MIDEAS: variants seen among roughly 807,000 people sequenced by gnomAD.
MIDEAS encodes the protein mitotic deacetylase associated SANT domain protein, also known as mitotic deacetylase-associated SANT domain protein.
In MIDEAS, 26 loss-of-function variants were observed where a neutral mutation model predicts 102.7. The observed-to-expected ratio is 0.25, with a 90% CI of 0.19 to 0.35. MIDEAS has a LOEUF of 0.35. Ranked by LOEUF, MIDEAS falls within the 10% of genes least tolerant of loss-of-function variation. The probability of loss-of-function intolerance (pLI) is 1.00; values close to 1 mark genes in which losing one functional copy is unlikely to be tolerated. For missense variants in MIDEAS, 1,231 were observed against 1,435.6 expected, an observed-to-expected ratio of 0.86 and a Z score of 2.30; for synonymous variants, 585 against 591.0, an observed-to-expected ratio of 0.99 and a Z score of 0.15.
upstream of MIDEAS, chr14:73,787,277 C>T (rs2053824216): frequency 6.8e-6 from 1 of 147,856 alleles, no homozygotes; most frequent in African/African-American, 2.4e-5. Context: ...CGGTGGCGCG[C>T]AGGGCCCTGC....
In MIDEAS at chr14:73,721,460, C is replaced by T. The variant is rs541501034; in HGVS notation, c.2774G>A (p.Ser925Asn). Residue 925 changes from serine (S) to asparagine (N), a missense_variant, in exon 11 of 13, where the codon AGT (serine) becomes AAT (asparagine). Transcript: ENST00000423556. ...CCTCTTGGGCTCCAGCCTCTCTTCA[C>T]TTGGGGACTCTCTTCTGGGAAGAGG... ...RVPLPRRESPSEERLEPKREV... is the reference protein window; with the variant it reads ...RVPLPRRESPNEERLEPKREV... 6.2e-7 allele frequency: 1 copy of T among 1,614,174 alleles called. No homozygotes were observed. The highest frequency in any genetic ancestry group is 1.3e-5 in the African/African-American group (1 of 75,028).
Position 73,726,720 on chromosome 14 carries a change from G to A in MIDEAS, c.2306-13C>T, listed in dbSNP as rs770225341. ...AGCAGGTCTTCCACTGGATCCACAG[G>A]AGCATGAGGAGGGAGGGGAGGAAAC... On this transcript the variant is annotated splice_polypyrimidine_tract_variant and intron_variant, in intron 6 of 12. Transcript: ENST00000423556. 5.0e-6 allele frequency: 8 copies of A among 1,614,162 alleles called. No individual in the cohort carries two copies. The highest frequency in any genetic ancestry group is 1.7e-5 in the Admixed American group (1 of 60,028).
At chr14:73,724,915 C>G (rs747856066) in intron 9 of MIDEAS, 8 of 230,008 alleles carry the variant, frequency 3.5e-5, no homozygotes, top group Non-Finnish European at 6.2e-5. Context: ...GTGGCCTTCA[C>G]CCCAGGGTGC....
chr14:73,751,490 G>T (rs2053419113), intron 1 of MIDEAS, among the ~76,000 whole-genome samples: 1 of 152,198 alleles, frequency 6.6e-6, no homozygotes, highest in African/African-American at 2.4e-5. Flanking sequence ...AGAGGCTACA[G>T]GTGATTACCT....
At chr14:73,730,051 C>T (rs1264045401) in intron 3 of MIDEAS, 66 bp from the exon 4 acceptor site, 5 of 1,496,882 alleles carry the variant, frequency 3.3e-6, no homozygotes, top group Non-Finnish European at 4.6e-6. Context: ...AAGTCTTAAC[C>T]ACAGCTTGCC....
At position 73,716,937 on chromosome 14, in the gene MIDEAS, TA is replaced by T; in HGVS notation, c.*1905del. ...TTGCTACCCCCCTGCTTCTACAGGG[TA>T]TACCAGATTTTTGCTGTCTTGGGAC... On this transcript the variant is annotated 3_prime_UTR_variant, in exon 13 of 13. Coordinates refer to ENST00000423556, the MANE Select transcript of MIDEAS (RefSeq NM_001367710.1). The T allele has an allele frequency of 6.6e-6, 1 of 152,582 alleles. No homozygotes were observed. The highest frequency in any genetic ancestry group is 1.9e-4 in the East Asian group (1 of 5,198). The allele number at this position is 152,582 out of a possible 1,614,324, so 9.5% of individuals were successfully genotyped here.
chr14:73,729,886 T>A lies in MIDEAS; in HGVS notation c.1849A>T (p.Thr617Ser), dbSNP rs1003721672. ...GAGTAGACGGGAGGGGCGATGAAAG[T>A]GCCCGCCTTGGTGGGGATGATGAGG... The part of the protein sequence containing the change: ...EPLIIPTKAG[T>S]FIAPPVYSNI... Residue 617 changes from threonine to serine, a missense_variant, in exon 4 of 13, where the codon ACT becomes TCT. Physicochemically the swap from Thr to Ser is moderately conservative, Grantham distance 58. Transcript: ENST00000423556. 3 of 1,613,316 alleles carry A rather than the reference T, an allele frequency of 1.9e-6. No homozygotes were observed. In the African/African-American group the frequency reaches 4.0e-5, roughly 22 times the overall value.
In MIDEAS at chr14:73,739,879, C is replaced by G; in HGVS notation, c.130G>C (p.Glu44Gln). 1 of 1,581,908 alleles carries G rather than the reference C, an allele frequency of 6.3e-7. No homozygotes were observed. The highest frequency in any genetic ancestry group is 8.6e-7 in the Non-Finnish European group (1 of 1,161,554). The stretch of plus-strand genomic sequence containing the variant: ...GGACCCTCGTGCCCGAGGTACTGCT[C>G]CTCCTTCACTCTGATGGACTGCTGG... The part of the protein sequence containing the change: ...PPQQSIRVKE[E>Q]QYLGHEGPGG... Residue 44 changes from glutamate (E) to glutamine (Q), a missense_variant, in exon 2 of 13, where the codon GAG becomes CAG. Transcript: ENST00000423556.
At chr14:73,787,704 C>T (rs1357234844), upstream of MIDEAS, among the ~76,000 whole-genome samples, 1 of 152,182 alleles carries the variant, frequency 6.6e-6, no homozygotes, top group Non-Finnish European at 1.5e-5. Context: ...AAACAAGGGT[C>T]CCTGTCCCCA....
chr14:73,739,775 A>G lies in MIDEAS; in HGVS notation c.234T>C (p.Tyr78=), dbSNP rs147844345. 6.2e-7 allele frequency: 1 copy of G among 1,613,764 alleles called. No homozygotes were observed. Among genetic ancestry groups the G allele is most frequent in the Non-Finnish European group, 8.5e-7 (1 of 1,179,918 alleles). ...TGGCTGCTGAGGTCCGCTCAGGCCCATATACCACAGAGTTCAGCAGGGCCA... is the reference window on the plus strand; with the variant it reads ...TGGCTGCTGAGGTCCGCTCAGGCCCGTATACCACAGAGTTCAGCAGGGCCA... ...SSLALLNSVV[Y]GPERTSAAML... The change falls in exon 2 of 13, where the codon TAT becomes TAC. Residue 78 remains tyrosine (Y), a synonymous_variant. Coordinates refer to ENST00000423556, the MANE Select transcript of MIDEAS (RefSeq NM_001367710.1).
At position 73,746,156 on chromosome 14, in the gene MIDEAS, G is replaced by A. The variant is rs112887240; in HGVS notation, c.-247-5901C>T. ...GCTTATGAGGCACTCTCAGGGCTCC[G>A]TCCAGTCTTCTACCTTGATTGCCTC... On this transcript the variant is annotated intron_variant, in intron 1 of 12. Coordinates refer to ENST00000423556, the MANE Select transcript of MIDEAS (RefSeq NM_001367710.1). 6.1e-3 allele frequency among the ~76,000 whole-genome samples: 926 copies of A among 152,306 alleles called. 14 individuals are homozygous for A. Among genetic ancestry groups the A allele is most frequent in the African/African-American group, 0.021 (869 of 41,568 alleles).
Position 73,742,627 on chromosome 14 carries a change from A to G in MIDEAS, c.-247-2372T>C, listed in dbSNP as rs1255988664. 1.3e-5 allele frequency among the ~76,000 whole-genome samples: 2 copies of G among 152,210 alleles called. No homozygotes were observed. Among genetic ancestry groups the G allele is most frequent in the East Asian group, 3.9e-4 (2 of 5,180 alleles). On this transcript the variant is annotated intron_variant, in intron 1 of 12. Transcript: ENST00000423556. This position sits in a 1 kb window ranked among gnomAD's most constrained non-coding sequence, Gnocchi z 4.4. Reference sequence around the variant, plus strand: ...GATACCACAGCAGCCTCTGAAGCTCAGACAGGGACTTGCTTTGAAGAAATC... The same window carrying G: ...GATACCACAGCAGCCTCTGAAGCTCGGACAGGGACTTGCTTTGAAGAAATC...
chr14:73,718,874 C>A lies in MIDEAS; in HGVS notation c.3269G>T (p.Arg1090Leu). The change falls in exon 13 of 13, where the codon CGG becomes CTG. Residue 1090 changes from arginine to leucine, a missense_variant. By Grantham distance (102) the Arg-to-Leu change is moderately radical. Around this residue, in one of 5 missense-constraint regions of MIDEAS, gnomAD observed 71 missense variants for 51.9 expected, o/e 1.37. Transcript: ENST00000423556. ...CTTGTCGCCCGCACCGCTCTCCTCC[C>A]GCAGGGCCTGCTGGTGGGCGGCGGC... is the stretch of plus-strand genomic sequence containing the variant. ...AAAAAHQQAL[R>L]EESGAGDKG is the part of the protein sequence containing the mutation. 6.6e-7 allele frequency: 1 copy of A among 1,513,498 alleles called. No homozygotes were observed. The highest frequency in any genetic ancestry group is 8.8e-7 in the Non-Finnish European group (1 of 1,137,104). The allele number at this position is 1,513,498 out of a possible 1,614,324, so 93.8% of individuals were successfully genotyped here.
intron 1 of MIDEAS, among the ~76,000 whole-genome samples, chr14:73,769,907 TTTTTTTG>T (rs1239147049): frequency 1.5e-5 from 2 of 136,596 alleles, no homozygotes; most frequent in Non-Finnish European, 3.1e-5. Flanking sequence ...GCTGGGTTTT[TTTTTTTG>T]TTTTTTTTTT....
chr14:73,761,117 G>A (rs1470641297), upstream of MIDEAS, among the ~76,000 whole-genome samples: 1 of 152,026 alleles, frequency 6.6e-6, no homozygotes, highest in African/African-American at 2.4e-5. Context: ...GGTGGCGGTG[G>A]CTGTTTTTCA....
chr14:73,726,165 G>A, intron 7 of MIDEAS, 57 bp from the exon 8 acceptor site: 9 of 1,367,796 alleles, frequency 6.6e-6, no homozygotes, highest in Non-Finnish European at 9.2e-6. Flanking sequence ...GTGGTGGACG[G>A]AGCATTCTAG....
chr14:73,721,741 G>C (rs1035771534), intron 10 of MIDEAS: 17 of 501,358 alleles, frequency 3.4e-5, no homozygotes, highest in Admixed American at 6.7e-5. Flanking sequence ...GGGCAAGGAG[G>C]GTACATACCA....
intron 2 of MIDEAS, among the ~76,000 whole-genome samples, chr14:73,738,271 C>A (rs2053229946): frequency 6.6e-6 from 1 of 152,148 alleles, no homozygotes; most frequent in Non-Finnish European, 1.5e-5. Flanking sequence ...TGGCAGGCGC[C>A]TGTAATCCCA....
At chr14:73,749,049 T>C (rs2053388922) in intron 1 of MIDEAS, among the ~76,000 whole-genome samples, 1 of 152,176 alleles carries the variant, frequency 6.6e-6, no homozygotes. Context: ...AACACTCTAC[T>C]TTCAACAACG....
Sources: gnomAD v4.1 joint callset for allele counts (sites outside exome capture counted in the v4.1 genomes callset) on GRCh38, gnomAD v4.1.1 for gene constraint, gnomAD v4.1.1 regional missense constraint, Gnocchi (gnomAD v3.1) non-coding constraint, MANE v1.5 for transcripts, NCBI Gene and HGNC (gene_info 2026-07-23, HGNC 2026-07-21) for gene names.